The following SMAP2 variants were observed in gnomAD, a reference collection of about 807,000 sequenced individuals.
The protein encoded by SMAP2 is stromal membrane-associated protein 2.
In SMAP2, 25 loss-of-function variants were observed where a neutral mutation model predicts 56.4. That is an observed-to-expected ratio of 0.44 (90% CI 0.32 to 0.62). The LOEUF (loss-of-function observed/expected upper bound fraction) is 0.62, where lower values mean the gene tolerates loss of function less well. Ranked by LOEUF, SMAP2 falls within the 20% of genes least tolerant of loss-of-function variation. The pLI is 0.04. For missense variants in SMAP2, 388 were observed against 545.6 expected, an observed-to-expected ratio of 0.71 and a Z score of 2.88; for synonymous variants, 157 against 181.7, an observed-to-expected ratio of 0.86 and a Z score of 1.09.
intron 1 of SMAP2, chr1:40,396,669 T>C (rs1257164180): frequency 5.2e-6 from 1 of 190,538 alleles, no homozygotes; most frequent in Non-Finnish European, 9.7e-6. Context: ...TTTGGTCTCA[T>C]GGTTCCTTAA....
chr1:40,345,180 G>A (rs1569807806), intron 1 of SMAP2, among the ~76,000 whole-genome samples: 1 of 152,008 alleles, frequency 6.6e-6, no homozygotes, highest in East Asian at 1.9e-4. Flanking sequence ...AAGGCGGGAG[G>A]ATCACTTGAG....
intron 1 of SMAP2, among the ~76,000 whole-genome samples, chr1:40,361,068 C>T (rs1163860487): frequency 1.3e-5 from 2 of 152,192 alleles, no homozygotes; most frequent in African/African-American, 4.8e-5. Context: ...GGCAGCATAG[C>T]TTGCAGTTCC....
chr1:40,395,387 A>G (rs1644759844), intron 1 of SMAP2, among the ~76,000 whole-genome samples: 1 of 152,160 alleles, frequency 6.6e-6, no homozygotes, highest in Non-Finnish European at 1.5e-5. Flanking sequence ...CTACCTGTTA[A>G]TAATAAACCA....
In SMAP2 at chr1:40,406,790, G is replaced by A; in HGVS notation, c.158G>A (p.Gly53Glu). The A allele has an allele frequency of 6.2e-7, 1 of 1,614,104 alleles. No individual in the cohort carries two copies. The highest frequency in any genetic ancestry group is 8.5e-7 in the Non-Finnish European group (1 of 1,179,972). ...IGVFICIRCA[G>E]IHRNLGVHIS... The stretch of plus-strand genomic sequence containing the variant: ...GTGTTCATCTGCATTCGATGTGCTG[G>A]AATCCACAGGAATCTGGGGGTGCAC... The change falls in exon 2 of 10, where the codon GGA becomes GAA. Residue 53 changes from glycine to glutamate, a missense_variant. Gly to Glu is a moderately conservative substitution (Grantham distance 98). Coordinates refer to ENST00000372718, the MANE Select transcript of SMAP2 (RefSeq NM_022733.3).
rs1645051220 is a variant in SMAP2, at chr1:40,422,292, G to T, written c.*191G>T. On this transcript the variant is annotated 3_prime_UTR_variant, in exon 10 of 10. Transcript: ENST00000372718. Reference sequence around the variant, plus strand: ...GAAGACCTCTCTGTTGCTTTATGTTGTACATGCCCCATAGCCATCCCAACG... The same window carrying T: ...GAAGACCTCTCTGTTGCTTTATGTTTTACATGCCCCATAGCCATCCCAACG... The T allele has an allele frequency of 1.5e-6, 1 of 686,594 alleles. No homozygotes were observed. Among genetic ancestry groups the T allele is most frequent in the South Asian group, 1.8e-5 (1 of 55,142 alleles). 42.5% of individuals were successfully genotyped at this position (686,594 alleles called of 1,614,324 possible).
Position 40,374,517 on chromosome 1 carries a change from G to A in SMAP2, c.103+294G>A. 1 of 825,106 alleles carries A rather than the reference G, an allele frequency of 1.2e-6. No individual in the cohort carries two copies. Among genetic ancestry groups the A allele is most frequent in the Non-Finnish European group, 2.0e-6 (1 of 504,968 alleles). 51.1% of individuals were successfully genotyped at this position (825,106 alleles called of 1,614,324 possible). ...TATTTGAGGGCTCTGAATGAGTTCT[G>A]GGCCGGCTGTCCAGAGAGAGCTCCC... On this transcript the variant is annotated intron_variant, in intron 1 of 9. Transcript: ENST00000372718. This position sits in a 1 kb window ranked among gnomAD's most constrained non-coding sequence, Gnocchi z 5.9.
Position 40,374,256 on chromosome 1 carries a change from A to G in SMAP2, c.103+33A>G. On this transcript the variant is annotated intron_variant, in intron 1 of 9. Transcript: ENST00000372718. The surrounding 1 kb of genome is among the most constrained non-coding windows in gnomAD (Gnocchi z 5.9). Reference sequence around the variant, plus strand: ...ATCCCACCTGGCGGGCCAGGGGTCCAGCCGCGCCGGGGTGGTGGGGGTGGG... The same window carrying G: ...ATCCCACCTGGCGGGCCAGGGGTCCGGCCGCGCCGGGGTGGTGGGGGTGGG... 6.4e-7 allele frequency: 1 copy of G among 1,567,998 alleles called. No homozygotes were observed. The highest frequency in any genetic ancestry group is 1.3e-5 in the African/African-American group (1 of 74,256).
chr1:40,382,258 A>C (rs1644606281), intron 1 of SMAP2, among the ~76,000 whole-genome samples: 2 of 152,158 alleles, frequency 1.3e-5, no homozygotes, highest in Non-Finnish European at 1.5e-5. Context: ...CATCTTGGAA[A>C]TCGTGTCATG....
In SMAP2 at chr1:40,416,943, A is replaced by C; in HGVS notation, c.1011A>C (p.Ala337=). The change falls in exon 9 of 10, where the codon GCA becomes GCC. Residue 337 remains alanine, a synonymous_variant. Coordinates refer to ENST00000372718, the MANE Select transcript of SMAP2 (RefSeq NM_022733.3). ...SGMVAPMAMP[A]GYMGGMQASM... is the part of the protein sequence containing the mutation. ...TGGTTGCCCCCATGGCCATGCCTGC[A>C]GGCTATATGGGTGGCATGCAGGCAT... The C allele has an allele frequency of 6.2e-7, 1 of 1,614,202 alleles. No homozygotes were observed. The highest frequency in any genetic ancestry group is 8.5e-7 in the Non-Finnish European group (1 of 1,180,034).
Position 40,374,033 on chromosome 1 carries a change from G to T in SMAP2, c.-88G>T. The T allele has an allele frequency of 1.0e-6, 1 of 1,002,532 alleles. No individual in the cohort carries two copies. The highest frequency in any genetic ancestry group is 2.1e-5 in the Admixed American group (1 of 47,530). The allele number at this position is 1,002,532 out of a possible 1,614,324, so 62.1% of individuals were successfully genotyped here. ...GCTCAGGAGGTGCCCCTGGGCGGGG[G>T]ACCGGGAGTCCTCAACCCCGGACTG... On this transcript the variant is annotated 5_prime_UTR_variant, in exon 1 of 10. Coordinates refer to ENST00000372718, the MANE Select transcript of SMAP2 (RefSeq NM_022733.3). This position sits in a 1 kb window ranked among gnomAD's most constrained non-coding sequence, Gnocchi z 5.9.
At chr1:40,346,379 T>C (rs1569809017) in intron 1 of SMAP2, among the ~76,000 whole-genome samples, 2 of 152,248 alleles carry the variant, frequency 1.3e-5, no homozygotes, top group African/African-American at 4.8e-5. Context: ...AATAGGATTT[T>C]TTTTTTTTGA....
At position 40,365,528 on chromosome 1, in the gene SMAP2, G is replaced by A. The variant is rs952466293; in HGVS notation, c.55+3092G>A. Reference sequence around the variant, plus strand: ...GAAAATTCTATAACTGGATACATTCGGGGAGGAGCCAAGATGGCCGAATAG... The same window carrying A: ...GAAAATTCTATAACTGGATACATTCAGGGAGGAGCCAAGATGGCCGAATAG... On this transcript the variant is annotated intron_variant, in intron 2 of 6. Coordinates refer to the SMAP2 transcript ENST00000435168. Among the ~76,000 whole-genome samples, 66 of 152,132 alleles carry A rather than the reference G, an allele frequency of 4.3e-4. 1 individual carries two copies. Among genetic ancestry groups the A allele is most frequent in the Admixed American group, 4.0e-3 (61 of 15,266 alleles).
chr1:40,378,977 TTTTC>T lies in SMAP2; in HGVS notation c.103+4758_103+4761del, dbSNP rs1163212082. Among the ~76,000 whole-genome samples, 174 of 131,290 alleles carry T rather than the reference TTTTC, an allele frequency of 1.3e-3. 1 individual carries two copies. The highest frequency in any genetic ancestry group is 3.4e-3 in the East Asian group (16 of 4,664). The allele number at this position is 131,290 out of a possible 152,430, so 86.1% of individuals were successfully genotyped here. ...ATTGTTGGCAATTTCTTTTCTTTTC[TTTTC>T]TTTTTTTTTTTTTTTGAGACAGAGT... is the stretch of plus-strand genomic sequence containing the variant. On this transcript the variant is annotated intron_variant, in intron 1 of 9. Coordinates refer to ENST00000372718, the MANE Select transcript of SMAP2 (RefSeq NM_022733.3).
intron 1 of SMAP2, among the ~76,000 whole-genome samples, chr1:40,350,818 T>C (rs1347429744): frequency 6.6e-6 from 1 of 152,200 alleles, no homozygotes; most frequent in African/African-American, 2.4e-5. Context: ...GTGAAGAAAT[T>C]TCTATATCTT....
At chr1:40,378,674 ACAC>A (rs1329473717) in intron 1 of SMAP2, among the ~76,000 whole-genome samples, 1 of 152,156 alleles carries the variant, frequency 6.6e-6, no homozygotes, top group Non-Finnish European at 1.5e-5. Flanking sequence ...TCAGACTGAA[ACAC>A]CACATGAAAT....
intron 9 of SMAP2, among the ~76,000 whole-genome samples, chr1:40,421,143 T>C (rs1645037985): frequency 1.3e-5 from 2 of 152,134 alleles, no homozygotes; most frequent in Non-Finnish European, 2.9e-5. Context: ...TTGGTGAATT[T>C]AAGGAAGAAG....
intron 1 of SMAP2, among the ~76,000 whole-genome samples, chr1:40,403,324 G>T (rs886296308): frequency 2.0e-5 from 3 of 152,144 alleles, no homozygotes; most frequent in African/African-American, 7.2e-5. Context: ...TGGCCAACAA[G>T]GCGAAACCCC....
At position 40,408,003 on chromosome 1, in the gene SMAP2, C is replaced by T. The variant is rs1255015870; in HGVS notation, c.238-650C>T. 1.3e-5 allele frequency among the ~76,000 whole-genome samples: 2 copies of T among 152,206 alleles called. No individual in the cohort carries two copies. Among genetic ancestry groups the T allele is most frequent in the Admixed American group, 6.5e-5 (1 of 15,280 alleles). On this transcript the variant is annotated intron_variant, in intron 2 of 9. Coordinates refer to ENST00000372718, the MANE Select transcript of SMAP2 (RefSeq NM_022733.3). The surrounding 1 kb of genome is among the most constrained non-coding windows in gnomAD (Gnocchi z 4.3). ...GGGAGTAAAAGGGAAGCCCCCCGCC[C>T]CCCAAATCCAGTTGCTAAAGTTGGT...
chr1:40,392,772 A>T (rs146028027), intron 1 of SMAP2, among the ~76,000 whole-genome samples: 2 of 152,184 alleles, frequency 1.3e-5, no homozygotes, highest in African/African-American at 4.8e-5. Context: ...TTAAATCCAC[A>T]TAAGCAAAAT....
Sources: allele counts gnomAD v4.1 joint callset (sites outside exome capture counted in the v4.1 genomes callset), GRCh38; gene constraint gnomAD v4.1.1; non-coding constraint Gnocchi (gnomAD v3.1); transcripts MANE v1.5; gene names NCBI Gene and HGNC (gene_info 2026-07-23, HGNC 2026-07-21).